Variants in GLTPD2 observed in about 807,000 individuals in gnomAD.
GLTPD2 encodes glycolipid transfer protein domain-containing protein 2.
GLTPD2 carries 12 observed loss-of-function variants against 12.9 expected under a neutral mutation model. The observed-to-expected ratio is 0.93, with a 90% confidence interval of 0.59 to 1.50. GLTPD2 has a LOEUF of 1.50. Among genes scored for constraint, GLTPD2 ranks in the 40% most tolerant of loss-of-function variants. The pLI is 0.00. For missense variants in GLTPD2, 450 were observed against 426.2 expected, an observed-to-expected ratio of 1.06 and a Z score of -0.49; for synonymous variants, 199 against 205.6, an observed-to-expected ratio of 0.97 and a Z score of 0.27.
Position 4,789,218 on chromosome 17 carries a change from C to G in GLTPD2, c.107-8C>G. 6.2e-7 allele frequency: 1 copy of G among 1,600,244 alleles called. No homozygotes were observed. Among genetic ancestry groups the G allele is most frequent in the East Asian group, 2.2e-5 (1 of 44,604 alleles). On this transcript the variant is annotated splice_region_variant and splice_polypyrimidine_tract_variant and intron_variant, in intron 1 of 3. Transcript: ENST00000331264. ...GAGCCCTCACCGCTCCGCTTCTCCT[C>G]TACCCAGGCGCCCGCTCGGGCTGCG...
rs1917636525 is a variant in GLTPD2 at position 4,790,224 on chromosome 17, C to T, written c.804C>T (p.Ala268=). ...AEARAALVRA[A]GTLEDVYNRT... is the part of the protein sequence containing the mutation. The stretch of plus-strand genomic sequence containing the variant: ...CGCGGGCCGCGCTGGTCCGGGCCGC[C>T]GGCACCTTGGAGGATGTCTACAACC... The change falls in exon 4 of 4, where the codon GCC becomes GCT. Residue 268 remains alanine, a synonymous_variant. Coordinates refer to ENST00000331264, the MANE Select transcript of GLTPD2 (RefSeq NM_001014985.3). 4.7e-6 allele frequency: 7 copies of T among 1,485,204 alleles called. No individual in the cohort carries two copies. The highest frequency in any genetic ancestry group is 3.8e-5 in the South Asian group (3 of 78,986). 92.0% of individuals were successfully genotyped at this position (1,485,204 alleles called of 1,614,324 possible). A position where few individuals can be genotyped will look rare whatever the true frequency, so the allele number is the denominator to read the frequency against.
chr17:4,789,969 G>C lies in GLTPD2; in HGVS notation c.549G>C (p.Leu183=). ...CCCGGAGCTCGGGCTCTCGCACGCTGCTCCTGCTGCACCGCGCGCTGCGCT... is the reference window on the plus strand; with the variant it reads ...CCCGGAGCTCGGGCTCTCGCACGCTCCTCCTGCTGCACCGCGCGCTGCGCT... The part of the protein sequence containing the change: ...DPTRSSGSRT[L]LLLHRALRWS... The change falls in exon 4 of 4, where the codon CTG becomes CTC. Residue 183 remains leucine (L), a synonymous_variant. Transcript: ENST00000331264. The C allele has an allele frequency of 1.3e-6, 2 of 1,533,186 alleles. No homozygotes were observed. Among genetic ancestry groups the C allele is most frequent in the South Asian group, 2.4e-5 (2 of 83,292 alleles). 95.0% of individuals were successfully genotyped at this position (1,533,186 alleles called of 1,614,324 possible).
In GLTPD2 at chr17:4,789,543, G is replaced by A. The variant is rs144943452; in HGVS notation, c.204G>A (p.Pro68=). The change falls in exon 3 of 4, where the codon CCG becomes CCA. Residue 68 remains proline (P), a synonymous_variant. Coordinates refer to ENST00000331264, the MANE Select transcript of GLTPD2 (RefSeq NM_001014985.3). The stretch of plus-strand genomic sequence containing the variant: ...AGGAGTCGGGAACCCTGGAGGCCCC[G>A]GAGAGGAAACAGCCTCCGTGTCTGG... ...VRQESGTLEA[P]ERKQPPCLGP... is the part of the protein sequence containing the mutation. 11 of 1,613,904 alleles carry A rather than the reference G, an allele frequency of 6.8e-6. No individual in the cohort carries two copies. The African/African-American group carries it at 1.2e-4, about 18-fold the overall frequency.
chr17:4,790,075 C>T lies in GLTPD2; in HGVS notation c.655C>T (p.Arg219Cys). 1 of 1,403,348 alleles carries T rather than the reference C, an allele frequency of 7.1e-7. No homozygotes were observed. Among genetic ancestry groups the T allele is most frequent in the Non-Finnish European group, 9.2e-7 (1 of 1,089,132 alleles). The allele number at this position is 1,403,348 out of a possible 1,614,324, so 86.9% of individuals were successfully genotyped here. A position where few individuals can be genotyped will look rare whatever the true frequency, so the allele number is the denominator to read the frequency against. The change falls in exon 4 of 4, where the codon CGT becomes TGT. Residue 219 changes from arginine to cysteine, a missense_variant. Coordinates refer to ENST00000331264, the MANE Select transcript of GLTPD2 (RefSeq NM_001014985.3). ...DAGVQCSDAYRAALGPHHPWL... is the reference protein window; with the variant it reads ...DAGVQCSDAYCAALGPHHPWL... ...GGGCGTGCAGTGCAGCGACGCCTAC[C>T]GTGCGGCCCTGGGTCCGCATCACCC...
chr17:4,789,228 G>T lies in GLTPD2; in HGVS notation c.109G>T (p.Ala37Ser). The T allele has an allele frequency of 6.3e-7, 1 of 1,596,764 alleles. No homozygotes were observed. Among genetic ancestry groups the T allele is most frequent in the South Asian group, 1.1e-5 (1 of 89,830 alleles). Reference sequence around the variant, plus strand: ...CGCTCCGCTTCTCCTCTACCCAGGCGCCCGCTCGGGCTGCGGACCCAGGGC... The same window carrying T: ...CGCTCCGCTTCTCCTCTACCCAGGCTCCCGCTCGGGCTGCGGACCCAGGGC... ...LLYLSVRSLG[A>S]RSGCGPRAQP... Residue 37 changes from alanine to serine, a missense_variant and splice_region_variant, in exon 2 of 4, where the codon GCC (alanine) becomes TCC (serine). Coordinates refer to ENST00000331264, the MANE Select transcript of GLTPD2 (RefSeq NM_001014985.3).
chr17:4,789,697 C>G lies in GLTPD2; in HGVS notation c.338+20C>G. On this transcript the variant is annotated intron_variant, in intron 3 of 3. Transcript: ENST00000331264. ...CGTCGAGTGAGTGGCCTCCCGCCCC[C>G]CAGCCGGTCCCCGCCTCCTTGGCGG... The G allele has an allele frequency of 6.2e-7, 1 of 1,610,232 alleles. No homozygotes were observed. Among genetic ancestry groups the G allele is most frequent in the Non-Finnish European group, 8.5e-7 (1 of 1,178,026 alleles).
chr17:4,789,132 C>T lies in GLTPD2; in HGVS notation c.106+15C>T, dbSNP rs555097377. 1 of 1,612,748 alleles carries T rather than the reference C, an allele frequency of 6.2e-7. No individual in the cohort carries two copies. The highest frequency in any genetic ancestry group is 8.5e-7 in the Non-Finnish European group (1 of 1,179,338). Reference sequence around the variant, plus strand: ...TCGGAGCCTAGGTGAGCTGCCCCTTCCCTCACTTGCTCCGGGAGGAAGCCC... The same window carrying T: ...TCGGAGCCTAGGTGAGCTGCCCCTTTCCTCACTTGCTCCGGGAGGAAGCCC... On this transcript the variant is annotated intron_variant, in intron 1 of 3. Transcript: ENST00000331264.
chr17:4,789,894 G>A lies in GLTPD2; in HGVS notation c.474G>A (p.Glu158=). ...CGCTGGTGGCCATGGCGGCGTGGGA[G>A]CGGAGGGCGGGACTGCTGGAGCAGC... The part of the protein sequence containing the change: ...YWSLVAMAAW[E]RRAGLLEQPG... The change falls in exon 4 of 4, where the codon GAG becomes GAA. Residue 158 remains glutamate, a synonymous_variant. Coordinates refer to ENST00000331264, the MANE Select transcript of GLTPD2 (RefSeq NM_001014985.3). 1 of 1,564,364 alleles carries A rather than the reference G, an allele frequency of 6.4e-7. No individual in the cohort carries two copies. Among genetic ancestry groups the A allele is most frequent in the Non-Finnish European group, 8.7e-7 (1 of 1,155,866 alleles).
chr17:4,790,219 GCCGCCGGCA>G lies in GLTPD2; in HGVS notation c.802_810del (p.Ala268_Thr270del). The G allele has an allele frequency of 6.7e-7, 1 of 1,483,242 alleles. No homozygotes were observed. Among genetic ancestry groups the G allele is most frequent in the South Asian group, 1.3e-5 (1 of 78,772 alleles). The allele number at this position is 1,483,242 out of a possible 1,614,324, so 91.9% of individuals were successfully genotyped here. A position where few individuals can be genotyped will look rare whatever the true frequency, so the allele number is the denominator to read the frequency against. ...GGAGGCGCGGGCCGCGCTGGTCCGG[GCCGCCGGCA>G]CCTTGGAGGATGTCTACAACCGCAC... On this transcript the variant is annotated inframe_deletion, in exon 4 of 4. Transcript: ENST00000331264.
Position 4,790,400 on chromosome 17 carries a change from C to T in GLTPD2, c.*104C>T, listed in dbSNP as rs1403137685. ...CCCGCGCCGCGGCCGCCTCCGTATCCCGCCTCTTCCGTGACGTCGCCGCGG... is the reference window on the plus strand; with the variant it reads ...CCCGCGCCGCGGCCGCCTCCGTATCTCGCCTCTTCCGTGACGTCGCCGCGG... On this transcript the variant is annotated 3_prime_UTR_variant, in exon 4 of 4. Coordinates refer to ENST00000331264, the MANE Select transcript of GLTPD2 (RefSeq NM_001014985.3). 1 of 948,052 alleles carries T rather than the reference C, an allele frequency of 1.1e-6. No homozygotes were observed. The highest frequency in any genetic ancestry group is 1.4e-6 in the Non-Finnish European group (1 of 714,308). 58.7% of individuals were successfully genotyped at this position (948,052 alleles called of 1,614,324 possible).
Position 4,789,740 on chromosome 17 carries a change from C to G in GLTPD2, c.339-19C>G. The G allele has an allele frequency of 3.7e-6, 6 of 1,613,552 alleles. No homozygotes were observed. The highest frequency in any genetic ancestry group is 5.1e-6 in the Non-Finnish European group (6 of 1,179,732). Reference sequence around the variant, plus strand: ...CTTGGCGGCTCCATCTCCATTCTCTCAAATCGTCTCGCCCGCAGGTTCCTG... The same window carrying G: ...CTTGGCGGCTCCATCTCCATTCTCTGAAATCGTCTCGCCCGCAGGTTCCTG... On this transcript the variant is annotated intron_variant, in intron 3 of 3. Transcript: ENST00000331264.
In GLTPD2 at chr17:4,789,819, G is replaced by A; in HGVS notation, c.399G>A (p.Val133=). ...CCACTAGGGAGGCCTTCACCAAGGT[G>A]ACAGACCTGGAGGCTCGGGTGCACG... ...AFATREAFTK[V]TDLEARVHGP... The change falls in exon 4 of 4, where the codon GTG becomes GTA. Residue 133 remains valine (V), a synonymous_variant. Coordinates refer to ENST00000331264, the MANE Select transcript of GLTPD2 (RefSeq NM_001014985.3). 6.2e-7 allele frequency: 1 copy of A among 1,611,320 alleles called. No homozygotes were observed. Among genetic ancestry groups the A allele is most frequent in the Non-Finnish European group, 8.5e-7 (1 of 1,178,918 alleles).
In GLTPD2 at chr17:4,789,293, A is replaced by T. The variant is rs1312346044; in HGVS notation, c.171+3A>T. Reference sequence around the variant, plus strand: ...CAGGGGAAACGGCGCCCTTCCAGGTACGCTAGGCGCAGGATTGGGCGCGGG... The same window carrying T: ...CAGGGGAAACGGCGCCCTTCCAGGTTCGCTAGGCGCAGGATTGGGCGCGGG... On this transcript the variant is annotated splice_donor_region_variant and intron_variant, in intron 2 of 3. Coordinates refer to ENST00000331264, the MANE Select transcript of GLTPD2 (RefSeq NM_001014985.3). 4 of 1,584,174 alleles carry T rather than the reference A, an allele frequency of 2.5e-6. No individual in the cohort carries two copies. Among genetic ancestry groups the T allele is most frequent in the Non-Finnish European group, 3.4e-6 (4 of 1,165,252 alleles).
rs753687359 is a variant in GLTPD2 at position 4,790,260 on chromosome 17, C to T, written c.840C>T (p.Ser280=). ...TLEDVYNRTQ[S]LLAERGLLQL... is the part of the protein sequence containing the mutation. ...AGGATGTCTACAACCGCACCCAGAGCCTGCTGGCCGAGCGCGGCCTGCTCC... is the reference window on the plus strand; with the variant it reads ...AGGATGTCTACAACCGCACCCAGAGTCTGCTGGCCGAGCGCGGCCTGCTCC... The change falls in exon 4 of 4, where the codon AGC becomes AGT. Residue 280 remains serine (S), a synonymous_variant. Coordinates refer to ENST00000331264, the MANE Select transcript of GLTPD2 (RefSeq NM_001014985.3). 819 of 1,481,592 alleles carry T rather than the reference C, an allele frequency of 5.5e-4. No individual in the cohort carries two copies. Among genetic ancestry groups the T allele is most frequent in the Non-Finnish European group, 6.7e-4 (753 of 1,124,238 alleles). 91.8% of individuals were successfully genotyped at this position (1,481,592 alleles called of 1,614,324 possible).
chr17:4,789,375 G>A lies in GLTPD2; in HGVS notation c.171+85G>A, dbSNP rs1917601849. The A allele has an allele frequency of 1.2e-5, 18 of 1,512,854 alleles. No individual in the cohort carries two copies. The South Asian group carries it at 2.2e-4, about 19-fold the overall frequency. The allele number at this position is 1,512,854 out of a possible 1,614,324, so 93.7% of individuals were successfully genotyped here. A position where few individuals can be genotyped will look rare whatever the true frequency, so the allele number is the denominator to read the frequency against. Reference sequence around the variant, plus strand: ...GGAGCCAGGCTGAGGGTCCGGCAAAGGGCGGGTCCTCCCCCGGTCTACCCT... The same window carrying A: ...GGAGCCAGGCTGAGGGTCCGGCAAAAGGCGGGTCCTCCCCCGGTCTACCCT... On this transcript the variant is annotated intron_variant, in intron 2 of 3. Transcript: ENST00000331264.
rs754769306 is a variant in GLTPD2 at position 4,789,934 on chromosome 17, C to G, written c.514C>G (p.Arg172Gly). 6.4e-5 allele frequency: 98 copies of G among 1,540,870 alleles called. No homozygotes were observed. The highest frequency in any genetic ancestry group is 4.3e-4 in the Middle Eastern group (2 of 4,630). ...GLLEQPGAAP[R>G]DPTRSSGSRT... Reference sequence around the variant, plus strand: ...GCTGGAGCAGCCGGGGGCGGCCCCCCGGGACCCGACCCGGAGCTCGGGCTC... The same window carrying G: ...GCTGGAGCAGCCGGGGGCGGCCCCCGGGGACCCGACCCGGAGCTCGGGCTC... The change falls in exon 4 of 4, where the codon CGG becomes GGG. Residue 172 changes from arginine (R) to glycine (G), a missense_variant. Arg to Gly is a moderately radical substitution (Grantham distance 125, BLOSUM62 -2). Transcript: ENST00000331264.
rs145967696 is a variant in GLTPD2 at position 4,789,870 on chromosome 17, G to A, written c.450G>A (p.Ser150=). The A allele has an allele frequency of 1.5e-3, 2,394 of 1,590,430 alleles. 30 individuals carry two copies. In the African/African-American group the frequency reaches 0.029, roughly 19 times the overall value. ...GCCCGGACGCGGAGCACTACTGGTC[G>A]CTGGTGGCCATGGCGGCGTGGGAGC... ...VHGPDAEHYW[S]LVAMAAWERR... is the part of the protein sequence containing the mutation. Residue 150 remains serine (S), a synonymous_variant, in exon 4 of 4, where the codon TCG becomes TCA. Transcript: ENST00000331264.
chr17:4,789,519 G>T lies in GLTPD2; in HGVS notation c.180G>T (p.Gln60His), dbSNP rs757677654. Residue 60 changes from glutamine (Q) to histidine (H), a missense_variant, in exon 3 of 4, where the codon CAG becomes CAT. Coordinates refer to ENST00000331264, the MANE Select transcript of GLTPD2 (RefSeq NM_001014985.3). ...PGETAPFQVR[Q>H]ESGTLEAPER... is the part of the protein sequence containing the mutation. ...TCGTGTCTCCCCACCAGGTCCGGCAGGAGTCGGGAACCCTGGAGGCCCCGG... is the reference window on the plus strand; with the variant it reads ...TCGTGTCTCCCCACCAGGTCCGGCATGAGTCGGGAACCCTGGAGGCCCCGG... 1 of 1,613,750 alleles carries T rather than the reference G, an allele frequency of 6.2e-7. No individual in the cohort carries two copies. Among genetic ancestry groups the T allele is most frequent in the South Asian group, 1.1e-5 (1 of 91,084 alleles).
rs1466580078 is a variant in GLTPD2, at chr17:4,790,398, T to C, written c.*102T>C. 1 of 953,922 alleles carries C rather than the reference T, an allele frequency of 1.0e-6. No individual in the cohort carries two copies. Among genetic ancestry groups the C allele is most frequent in the Admixed American group, 4.4e-5 (1 of 22,972 alleles). 59.1% of individuals were successfully genotyped at this position (953,922 alleles called of 1,614,324 possible). A position where few individuals can be genotyped will look rare whatever the true frequency, so the allele number is the denominator to read the frequency against. ...AGCCCGCGCCGCGGCCGCCTCCGTA[T>C]CCCGCCTCTTCCGTGACGTCGCCGC... On this transcript the variant is annotated 3_prime_UTR_variant, in exon 4 of 4. Coordinates refer to ENST00000331264, the MANE Select transcript of GLTPD2 (RefSeq NM_001014985.3).
Sources: gnomAD v4.1 joint callset for allele counts on GRCh38, gnomAD v4.1.1 for gene constraint, MANE v1.5 for transcripts, NCBI Gene and HGNC (gene_info 2026-07-23, HGNC 2026-07-21) for gene names.